Variants in GTF3C2 observed in about 807,000 individuals in gnomAD.
GTF3C2 encodes the protein general transcription factor IIIC subunit 2.
Under a neutral mutation model 117.4 loss-of-function variants are expected in GTF3C2, and 17 were observed. That is an observed-to-expected ratio of 0.14 (90% CI 0.10 to 0.22). GTF3C2 has a LOEUF of 0.22. GTF3C2 is among the 10% of genes least tolerant of loss of function. The pLI, the probability that GTF3C2 is intolerant of heterozygous loss-of-function variation, is 1.00. For missense variants in GTF3C2, 888 were observed against 1,143.6 expected (o/e 0.78, Z 3.22); for synonymous variants, 437 against 427.0 (o/e 1.02, Z -0.29).
chr2:27,338,183 A>G, intron 4 of GTF3C2, 163 bp from the exon 5 acceptor site: 1 of 620,984 alleles, frequency 1.6e-6, no homozygotes, highest in Non-Finnish European at 2.9e-6. Flanking sequence ...CACTATAATG[A>G]CTTCTTCACC....
At chr2:27,328,326 G>T in intron 16 of GTF3C2, 137 bp from the exon 17 acceptor site, 1 of 1,041,508 alleles carries the variant, frequency 9.6e-7, no homozygotes, top group South Asian at 1.5e-5. Context: ...CAGTACGGTA[G>T]GGAAGATTAT....
At chr2:27,348,345 T>C (rs935251207) in intron 1 of GTF3C2, among the ~76,000 whole-genome samples, 1 of 147,874 alleles carries the variant, frequency 6.8e-6, no homozygotes, top group Admixed American at 6.7e-5. Context: ...GAATTGGAAG[T>C]GAGAAGATCA....
At position 27,329,774 on chromosome 2, in the gene GTF3C2, G is replaced by A. The variant is rs1023288902; in HGVS notation, c.1733-251C>T. On this transcript the variant is annotated intron_variant, in intron 12 of 18. Transcript: ENST00000264720. The surrounding 1 kb of genome is among the most constrained non-coding windows in gnomAD (Gnocchi z 4.5). ...TGGAATCTACAGTTGAAAAATGATA[G>A]GGTGAACACACCTAGTGCAGAGAGT... Among the ~76,000 whole-genome samples the A allele has an allele frequency of 6.6e-6, 1 of 152,096 alleles. No individual in the cohort carries two copies. Among genetic ancestry groups the A allele is most frequent in the Non-Finnish European group, 1.5e-5 (1 of 68,006 alleles).
intron 1 of GTF3C2, among the ~76,000 whole-genome samples, chr2:27,348,569 C>T (rs1308409773): frequency 3.3e-5 from 5 of 151,996 alleles, no homozygotes; most frequent in Admixed American, 2.6e-4. Flanking sequence ...GTTGGGAGGC[C>T]GAAGCAAGCA....
Position 27,337,567 on chromosome 2 carries a change from ACAG to A in GTF3C2, c.951-12_951-10del, listed in dbSNP as rs1243947004. ...AATGTTTCTGCTCTCGGCTGGAGAAACAGAAGAAGCATTAATGAAGGAGAGGGA... is the reference window on the plus strand; with the variant it reads ...AATGTTTCTGCTCTCGGCTGGAGAAAAAGAAGCATTAATGAAGGAGAGGGA... On this transcript the variant is annotated splice_polypyrimidine_tract_variant and intron_variant, in intron 5 of 18. Transcript: ENST00000264720. 6.3e-7 allele frequency: 1 copy of A among 1,585,700 alleles called. No individual in the cohort carries two copies. The highest frequency in any genetic ancestry group is 1.1e-5 in the South Asian group (1 of 90,522).
exon 17 of GTF3C2, chr2:27,328,109 G>A (rs773923624): frequency 8.9e-5 from 143 of 1,610,040 alleles, no homozygotes; most frequent in Admixed American, 4.6e-4. Flanking sequence ...TAGGAGGGTT[G>A]GGGACCCCAG....
At position 27,353,977 on chromosome 2, in the gene GTF3C2, A is replaced by C. The variant is rs541300382; in HGVS notation, c.-25+2762T>G. 2.6e-5 allele frequency among the ~76,000 whole-genome samples: 4 copies of C among 151,358 alleles called. No homozygotes were observed. The South Asian group carries it at 8.4e-4, about 32-fold the overall frequency. ...GGGCTCAAGTGATCCTCTAGCTTCAACTTCCAAAGTGCTAGGATTACAGGT... is the reference window on the plus strand; with the variant it reads ...GGGCTCAAGTGATCCTCTAGCTTCACCTTCCAAAGTGCTAGGATTACAGGT... On this transcript the variant is annotated intron_variant, in intron 1 of 18. Coordinates refer to ENST00000264720, the Ensembl canonical transcript of GTF3C2.
At chr2:27,356,240 C>A (rs1168942258) in intron 1 of GTF3C2, 2 of 497,200 alleles carry the variant, frequency 4.0e-6, no homozygotes, top group Non-Finnish European at 3.7e-6. Flanking sequence ...TTGCAGCGCG[C>A]GGGGCACAAC....
intron 1 of GTF3C2, among the ~76,000 whole-genome samples, chr2:27,353,342 C>G (rs1342583432): frequency 6.7e-6 from 1 of 150,228 alleles, no homozygotes; most frequent in African/African-American, 2.5e-5. Context: ...AAGATTGCAC[C>G]ACTGCACTCC....
At chr2:27,327,872 C>T (rs564075387) in intron 17 of GTF3C2, among the ~76,000 whole-genome samples, 165 bp downstream of exon 17, 6 of 152,200 alleles carry the variant, frequency 3.9e-5, no homozygotes, top group African/African-American at 9.6e-5. Flanking sequence ...GTGATCTGCC[C>T]GCCTAATCCC....
At chr2:27,327,621 G>GC (rs1258175254) in intron 17 of GTF3C2, among the ~76,000 whole-genome samples, 1 of 142,118 alleles carries the variant, frequency 7.0e-6, no homozygotes, top group South Asian at 2.2e-4. Flanking sequence ...ACTACGCCTG[G>GC]CCCTTTTTTT....
chr2:27,349,318 TTTTTA>T (rs562245323), intron 1 of GTF3C2, among the ~76,000 whole-genome samples: 115 of 151,714 alleles, frequency 7.6e-4, no homozygotes, highest in African/African-American at 2.7e-3. Flanking sequence ...CGGCTAATTT[TTTTTA>T]TTTTTAGTAG....
intron 8 of GTF3C2, 26 bp downstream of exon 8, chr2:27,336,172 C>T (rs1680469595): frequency 6.4e-7 from 1 of 1,558,978 alleles, no homozygotes; most frequent in African/African-American, 1.4e-5. Flanking sequence ...ACCACCCTCC[C>T]ATGGCAGTGT....
intron 1 of GTF3C2, 196 bp downstream of exon 1, chr2:27,356,543 G>C (rs917746521): frequency 1.4e-5 from 3 of 210,642 alleles, no homozygotes; most frequent in African/African-American, 6.7e-5. Context: ...GAGATGGGGG[G>C]TGCACGGTGG....
At chr2:27,347,573 T>C (rs1356237927) in intron 1 of GTF3C2, among the ~76,000 whole-genome samples, 1 of 152,088 alleles carries the variant, frequency 6.6e-6, no homozygotes, top group Non-Finnish European at 1.5e-5. Context: ...CCTATGCATA[T>C]ACCGAAAGAA....
At chr2:27,327,079 G>T in intron 18 of GTF3C2, 98 bp downstream of exon 18, 2 of 713,372 alleles carry the variant, frequency 2.8e-6, no homozygotes, top group Non-Finnish European at 4.8e-6. Context: ...GGAGGAGGAG[G>T]TTGTCATCTG....
Position 27,337,352 on chromosome 2 carries a change from G to T in GTF3C2, c.1029-10C>A. 1 of 1,579,332 alleles carries T rather than the reference G, an allele frequency of 6.3e-7. No individual in the cohort carries two copies. The highest frequency in any genetic ancestry group is 8.7e-7 in the Non-Finnish European group (1 of 1,148,490). On this transcript the variant is annotated splice_polypyrimidine_tract_variant and intron_variant, in intron 6 of 18. Transcript: ENST00000264720. ...GTAGGGAGCGGCCTCACTGGGGGAA[G>T]ACAAAGGGAACAGTCTAAATTTGGA...
At chr2:27,344,703 G>C (rs1370653598) in intron 1 of GTF3C2, among the ~76,000 whole-genome samples, 1 of 152,196 alleles carries the variant, frequency 6.6e-6, no homozygotes, top group Non-Finnish European at 1.5e-5. Context: ...TAAGTAAAAG[G>C]CCAGGCAGGA....
chr2:27,352,130 C>T (rs1681161085), intron 1 of GTF3C2, among the ~76,000 whole-genome samples: 1 of 152,192 alleles, frequency 6.6e-6, no homozygotes, highest in Non-Finnish European at 1.5e-5. Flanking sequence ...CACATCCTAT[C>T]TAGTTTAGAT....
Sources: gnomAD v4.1 joint callset for allele counts (sites outside exome capture counted in the v4.1 genomes callset) on GRCh38, gnomAD v4.1.1 for gene constraint, Gnocchi (gnomAD v3.1) non-coding constraint, MANE v1.5 for transcripts, NCBI Gene and HGNC (gene_info 2026-07-23, HGNC 2026-07-21) for gene names.